The following SLC14A2 variants were observed in gnomAD, a reference collection of about 807,000 sequenced individuals.
SLC14A2 encodes urea transporter 2.
Under a neutral mutation model 104.6 loss-of-function variants are expected in SLC14A2, and 91 were observed. The ratio of observed to expected loss-of-function variants is 0.87; its 90% confidence interval spans 0.73 to 1.04. The LOEUF is 1.04. Ranked by LOEUF, SLC14A2 falls within the 50% of genes least tolerant of loss-of-function variation. The pLI is 0.00. For synonymous variants in SLC14A2, 476 were observed against 466.4 expected (o/e 1.02, Z -0.27); for missense variants, 1,189 against 1,156.0 (o/e 1.03, Z -0.41).
chr18:45,678,906 G>T, intron 18 of SLC14A2, 69 bp from the exon 19 acceptor site: 1 of 1,384,638 alleles, frequency 7.2e-7, no homozygotes, highest in South Asian at 1.3e-5. Flanking sequence ...AAGAGAATAT[G>T]TAGAGCAATC....
chr18:45,601,788 A>T (rs2044794232), intron 2 of SLC14A2, among the ~76,000 whole-genome samples: 1 of 152,246 alleles, frequency 6.6e-6, no homozygotes, highest in African/African-American at 2.4e-5. Context: ...CTGTAGCATG[A>T]TGAAGCAACA....
chr18:45,209,762 C>T (rs1461617393), upstream of SLC14A2, among the ~76,000 whole-genome samples: 1 of 152,152 alleles, frequency 6.6e-6, no homozygotes, highest in Non-Finnish European at 1.5e-5. Context: ...AGAATCGAGA[C>T]AGCTATTTAT....
At chr18:45,404,245 T>C (rs895354924) in intron 1 of SLC14A2, among the ~76,000 whole-genome samples, 1 of 152,208 alleles carries the variant, frequency 6.6e-6, no homozygotes, top group African/African-American at 2.4e-5. Context: ...GTTCTTACTG[T>C]CTAGCACAAT....
At chr18:45,387,877 T>A (rs2085915282) in intron 1 of SLC14A2, among the ~76,000 whole-genome samples, 1 of 152,068 alleles carries the variant, frequency 6.6e-6, no homozygotes, top group Admixed American at 6.5e-5. Flanking sequence ...AAAGCCGGTA[T>A]AGGCTTTGTC....
rs143458380 is a variant in SLC14A2 at position 45,302,706 on chromosome 18, A to G, written c.-125+89515A>G. On this transcript the variant is annotated intron_variant, in intron 1 of 20. Coordinates refer to the SLC14A2 transcript ENST00000586448. The stretch of plus-strand genomic sequence containing the variant: ...AAAATAATATTCATTATAGTCTCAT[A>G]TGCCTGGTGTACAGCAATGCACTAT... Among the ~76,000 whole-genome samples the G allele has an allele frequency of 3.4e-3, 525 of 152,330 alleles. 7 individuals are homozygous for G. Among genetic ancestry groups the G allele is most frequent in the Non-Finnish European group, 5.9e-3 (404 of 68,036 alleles).
At chr18:45,215,963 C>A (rs1156939835) in intron 1 of SLC14A2, among the ~76,000 whole-genome samples, 1 of 152,094 alleles carries the variant, frequency 6.6e-6, no homozygotes, top group Non-Finnish European at 1.5e-5. Context: ...TTTAGGGACA[C>A]CTATTGAGTA....
intron 1 of SLC14A2, among the ~76,000 whole-genome samples, chr18:45,395,064 G>A (rs1022245273): frequency 2.0e-5 from 3 of 152,124 alleles, no homozygotes; most frequent in African/African-American, 7.2e-5. Flanking sequence ...TCAGGATCTT[G>A]AAAATATATT....
intron 2 of SLC14A2, among the ~76,000 whole-genome samples, chr18:45,582,857 T>C (rs543916247): frequency 1.5e-4 from 23 of 152,250 alleles, no homozygotes; most frequent in African/African-American, 5.1e-4. Context: ...ACACTCCAGA[T>C]GACAAAATGG....
At chr18:45,246,112 TA>T (rs56264765) in intron 1 of SLC14A2, among the ~76,000 whole-genome samples, 10,593 of 152,164 alleles carry the variant, frequency 0.07, 456 homozygotes, top group Non-Finnish European at 0.098. Flanking sequence ...AATGAGGTCA[TA>T]AAGGAGGGGT....
chr18:45,243,992 T>C (rs2084343975), intron 1 of SLC14A2, among the ~76,000 whole-genome samples: 1 of 152,144 alleles, frequency 6.6e-6, no homozygotes, highest in African/African-American at 2.4e-5. Flanking sequence ...ATTTATATAA[T>C]GTCTCTGGGG....
chr18:45,494,359 C>T (rs1368344350), intron 2 of SLC14A2, among the ~76,000 whole-genome samples: 16 of 152,192 alleles, frequency 1.1e-4, no homozygotes, highest in Admixed American at 1.0e-3. Flanking sequence ...CGCTTCTTCT[C>T]TGTTATCAGC....
At chr18:45,527,561 T>C (rs2909321) in intron 2 of SLC14A2, among the ~76,000 whole-genome samples, 5,487 of 152,224 alleles carry the variant, frequency 0.036, 330 homozygotes, top group African/African-American at 0.12. Flanking sequence ...TTAGAGAAAA[T>C]AAATACATTC....
intron 7 of SLC14A2, among the ~76,000 whole-genome samples, chr18:45,640,275 T>TAA (rs879699022): frequency 1.4e-5 from 2 of 140,732 alleles, no homozygotes; most frequent in African/African-American, 2.6e-5. Flanking sequence ...GACTCCGTCT[T>TAA]AAAAAAAAAA....
At chr18:45,353,105 TG>T (rs1422958550) in intron 1 of SLC14A2, among the ~76,000 whole-genome samples, 2 of 152,226 alleles carry the variant, frequency 1.3e-5, no homozygotes, top group Non-Finnish European at 2.9e-5. Flanking sequence ...ACTCAGCTAT[TG>T]TTACATAAGC....
intron 10 of SLC14A2, among the ~76,000 whole-genome samples, chr18:45,649,119 G>A (rs1016024215): frequency 5.9e-5 from 9 of 152,136 alleles, no homozygotes; most frequent in East Asian, 1.9e-4. Context: ...TGCAGTGAGC[G>A]AGCCGAGATC....
rs776383641 is a variant in SLC14A2, at chr18:45,666,148, G to A, written c.1486G>A (p.Gly496Ser). ...IRRRSKVFGKGEHQERQNKDP... is the reference protein window; with the variant it reads ...IRRRSKVFGKSEHQERQNKDP... ...CCTTCTAACTCCAGTGTTTGGAAAA[G>A]GCGAACACCAGGAAAGACAAAACAA... The change falls in exon 12 of 20, where the codon GGC becomes AGC. Residue 496 changes from glycine to serine, a missense_variant. Coordinates refer to ENST00000255226, the MANE Select transcript of SLC14A2 (RefSeq NM_007163.4). 6.2e-7 allele frequency: 1 copy of A among 1,613,498 alleles called. No homozygotes were observed. The highest frequency in any genetic ancestry group is 8.5e-7 in the Non-Finnish European group (1 of 1,179,458).
At chr18:45,291,363 G>A (rs1011839330) in intron 1 of SLC14A2, among the ~76,000 whole-genome samples, 1 of 152,098 alleles carries the variant, frequency 6.6e-6, no homozygotes, top group Non-Finnish European at 1.5e-5. Flanking sequence ...GGAATGATGA[G>A]TGAGCATGAA....
intron 1 of SLC14A2, among the ~76,000 whole-genome samples, chr18:45,318,048 C>G (rs562765303): frequency 1.3e-5 from 2 of 152,264 alleles, no homozygotes; most frequent in South Asian, 4.1e-4. Context: ...GGAGCTAGGA[C>G]CTGGGAAAGA....
the SLC14A2 span, among the ~76,000 whole-genome samples, chr18:45,176,340 G>A: frequency 6.6e-6 from 1 of 152,170 alleles, no homozygotes; most frequent in Admixed American, 6.6e-5. Context: ...CAAAGAAACA[G>A]AAGAGGGATT....
Sources: allele counts gnomAD v4.1 joint callset (sites outside exome capture counted in the v4.1 genomes callset), GRCh38; gene constraint gnomAD v4.1.1; transcripts MANE v1.5; gene names NCBI Gene and HGNC (gene_info 2026-07-23, HGNC 2026-07-21).